Variants in NXPE4 observed in about 807,000 individuals in gnomAD.
NXPE4 encodes NXPE family member 4.
Under a neutral mutation model 33.3 loss-of-function variants are expected in NXPE4, and 42 were observed. The ratio of observed to expected loss-of-function variants is 1.26; its 90% CI spans 0.98 to 1.63. The LOEUF (loss-of-function observed/expected upper bound fraction) is 1.63. Ranked by LOEUF, NXPE4 falls within the 40% of genes most tolerant of loss-of-function variation. NXPE4 has a pLI of 0.00. For synonymous variants in NXPE4, 253 were observed against 234.9 expected, an observed-to-expected ratio of 1.08 and a Z score of -0.71; for missense variants, 709 against 647.6, an observed-to-expected ratio of 1.09 and a Z score of -1.03.
chr11:114,611,941 T>A, the NXPE4 span, among the ~76,000 whole-genome samples: 1 of 151,986 alleles, frequency 6.6e-6, no homozygotes, highest in Non-Finnish European at 1.5e-5. Context: ...GGGTAACCAC[T>A]GTTACCTGGT....
the NXPE4 span, among the ~76,000 whole-genome samples, chr11:114,635,675 G>C: frequency 5.9e-5 from 9 of 151,830 alleles, no homozygotes; most frequent in African/African-American, 2.2e-4. Flanking sequence ...TTAGCCTGAA[G>C]TATTGTTGAA....
chr11:114,636,530 T>C, the NXPE4 span, among the ~76,000 whole-genome samples: 7 of 151,620 alleles, frequency 4.6e-5, no homozygotes, highest in Non-Finnish European at 8.9e-5. Context: ...GCTCTTGCTT[T>C]TCTAGTTCTT....
At chr11:114,653,518 C>A in the NXPE4 span, among the ~76,000 whole-genome samples, 5 of 148,936 alleles carry the variant, frequency 3.4e-5, no homozygotes, top group African/African-American at 1.2e-4. Flanking sequence ...TAGGACTACC[C>A]TTGTCCTGCT....
intron 5 of NXPE4, among the ~76,000 whole-genome samples, chr11:114,577,855 C>T (rs1365836814): frequency 6.6e-6 from 1 of 152,108 alleles, no homozygotes; most frequent in Non-Finnish European, 1.5e-5. Flanking sequence ...TCTGTGTTTC[C>T]TTCACATATG....
the NXPE4 span, among the ~76,000 whole-genome samples, chr11:114,664,198 T>A: frequency 6.6e-6 from 1 of 152,178 alleles, no homozygotes; most frequent in African/African-American, 2.4e-5. Flanking sequence ...GGCAATGAGA[T>A]ACACAAGTAC....
chr11:114,641,150 A>G, the NXPE4 span, among the ~76,000 whole-genome samples: 2 of 152,032 alleles, frequency 1.3e-5, no homozygotes, highest in Non-Finnish European at 2.9e-5. Context: ...AAATCAAATT[A>G]GTGAGCTGGA....
the NXPE4 span, among the ~76,000 whole-genome samples, chr11:114,645,557 A>C: frequency 6.6e-6 from 1 of 152,200 alleles, no homozygotes; most frequent in Non-Finnish European, 1.5e-5. Flanking sequence ...TTTGAATTTC[A>C]GTGCAATAAA....
At chr11:114,671,826 G>A in the NXPE4 span, among the ~76,000 whole-genome samples, 129,425 of 151,994 alleles carry the variant, frequency 0.85, 56,107 homozygotes, top group East Asian at 0.92. Flanking sequence ...AAGTGACCAC[G>A]GACAGTAATT....
At chr11:114,610,426 C>G in the NXPE4 span, among the ~76,000 whole-genome samples, 1 of 151,890 alleles carries the variant, frequency 6.6e-6, no homozygotes, top group South Asian at 2.1e-4. Context: ...CCTATTGCCT[C>G]TCGGGTAACC....
the NXPE4 span, among the ~76,000 whole-genome samples, chr11:114,629,776 T>C: frequency 2.7e-5 from 4 of 150,762 alleles, no homozygotes; most frequent in Non-Finnish European, 4.4e-5. Context: ...AAAACCCCAT[T>C]GTCTCAGCCC....
At chr11:114,622,698 CT>C in the NXPE4 span, among the ~76,000 whole-genome samples, 1 of 151,206 alleles carries the variant, frequency 6.6e-6, no homozygotes, top group Non-Finnish European at 1.5e-5. Flanking sequence ...TGGTTAACCC[CT>C]TTTCCCGGTG....
intron 5 of NXPE4, among the ~76,000 whole-genome samples, chr11:114,579,816 C>T (rs1949093863): frequency 6.6e-6 from 1 of 152,180 alleles, no homozygotes; most frequent in South Asian, 2.1e-4. Flanking sequence ...TTTGCTGGTT[C>T]TAGAAGCTGG....
the NXPE4 span, among the ~76,000 whole-genome samples, chr11:114,676,039 A>G: frequency 3.4e-4 from 52 of 152,092 alleles, no homozygotes; most frequent in Non-Finnish European, 5.9e-4. Context: ...ACAGAACTGC[A>G]TATCCACATG....
the NXPE4 span, among the ~76,000 whole-genome samples, chr11:114,676,701 T>C: frequency 6.6e-6 from 1 of 152,056 alleles, no homozygotes; most frequent in Non-Finnish European, 1.5e-5. Flanking sequence ...GTATGGAGAT[T>C]ACTCAACAAA....
rs751442665 is a variant in NXPE4, at chr11:114,594,727, T to C, written c.33A>G (p.Leu11=). Residue 11 remains leucine (L), a synonymous_variant, in exon 2 of 6, where the codon CTA becomes CTG. Transcript: ENST00000375478. ...AGGCTAATATAAACAACAGTGCCAA[T>C]AGTGACTTATAATTTATCATACTTA... MKISMINYKS[L]LALLFILASW... is the part of the protein sequence containing the mutation. 1.9e-6 allele frequency: 3 copies of C among 1,591,898 alleles called. No homozygotes were observed. Among genetic ancestry groups the C allele is most frequent in the Non-Finnish European group, 2.6e-6 (3 of 1,163,076 alleles).
chr11:114,618,767 T>C, the NXPE4 span, among the ~76,000 whole-genome samples: 2 of 151,830 alleles, frequency 1.3e-5, no homozygotes, highest in Non-Finnish European at 2.9e-5. Flanking sequence ...CACTGTTATC[T>C]GGTGGATAAA....
At chr11:114,629,790 A>T in the NXPE4 span, among the ~76,000 whole-genome samples, 1 of 151,044 alleles carries the variant, frequency 6.6e-6, no homozygotes, top group South Asian at 2.1e-4. Flanking sequence ...TCAGCCCAAA[A>T]TCTCCTCAAG....
the NXPE4 span, among the ~76,000 whole-genome samples, chr11:114,652,811 C>A: frequency 6.6e-6 from 1 of 152,156 alleles, no homozygotes; most frequent in Admixed American, 6.5e-5. Context: ...CACTGGAATG[C>A]CTGTGTCTAG....
the NXPE4 span, among the ~76,000 whole-genome samples, chr11:114,626,401 C>A: frequency 2.0e-5 from 3 of 152,194 alleles, no homozygotes; most frequent in Non-Finnish European, 4.4e-5. Flanking sequence ...GGGAGGCACC[C>A]CCCAACAGGG....
Sources: gnomAD v4.1 joint callset for allele counts (sites outside exome capture counted in the v4.1 genomes callset) on GRCh38, gnomAD v4.1.1 for gene constraint, MANE v1.5 for transcripts, NCBI Gene and HGNC (gene_info 2026-07-23, HGNC 2026-07-21) for gene names.